Variants in NDUFAF2 observed in about 807,000 individuals in gnomAD.
The protein encoded by NDUFAF2 is NADH:ubiquinone oxidoreductase complex assembly factor 2.
Under a neutral mutation model 22.8 loss-of-function variants are expected in NDUFAF2, and 13 were observed. The ratio of observed to expected loss-of-function variants is 0.57; its 90% confidence interval spans 0.37 to 0.91. NDUFAF2 has a LOEUF of 0.91. Ranked by LOEUF, NDUFAF2 falls within the 40% of genes least tolerant of loss-of-function variation. The pLI is 0.01. For synonymous variants in NDUFAF2, 53 were observed against 64.2 expected, an observed-to-expected ratio of 0.83 and a Z score of 0.84; for missense variants, 162 against 195.2, an observed-to-expected ratio of 0.83 and a Z score of 1.01.
intron 1 of NDUFAF2, among the ~76,000 whole-genome samples, chr5:60,987,316 A>G (rs1751095417): frequency 1.3e-5 from 2 of 152,196 alleles, no homozygotes; most frequent in Admixed American, 1.3e-4. Flanking sequence ...AAAGCCCAGG[A>G]TGAGAAAGAT....
intron 3 of NDUFAF2, chr5:61,146,123 C>A (rs1484358259): frequency 6.6e-6 from 1 of 152,178 alleles, no homozygotes; most frequent in African/African-American, 2.4e-5. Context: ...CACGTGGTAA[C>A]AACAGCCCTT....
chr5:61,009,540 T>G (rs1751417761), intron 1 of NDUFAF2, among the ~76,000 whole-genome samples: 1 of 152,156 alleles, frequency 6.6e-6, no homozygotes, highest in Non-Finnish European at 1.5e-5. Context: ...AGTTACTTTT[T>G]AAATTTCAAG....
At chr5:61,024,390 G>A (rs775052912) in intron 1 of NDUFAF2, among the ~76,000 whole-genome samples, 1 of 151,920 alleles carries the variant, frequency 6.6e-6, no homozygotes, top group Non-Finnish European at 1.5e-5. Context: ...GCCAAAGGAC[G>A]TTCTAGGTGA....
intron 1 of NDUFAF2, among the ~76,000 whole-genome samples, chr5:60,982,983 C>T (rs1561533806): frequency 6.6e-6 from 1 of 151,870 alleles, no homozygotes; most frequent in Non-Finnish European, 1.5e-5. Context: ...ACACTGACTT[C>T]CACAATGGTT....
chr5:61,020,772 A>G (rs988588760), intron 1 of NDUFAF2, among the ~76,000 whole-genome samples: 1 of 151,960 alleles, frequency 6.6e-6, no homozygotes, highest in Non-Finnish European at 1.5e-5. Flanking sequence ...CTCACTGCTC[A>G]CTGCAACCTC....
chr5:61,037,701 G>A (rs1751816934), intron 1 of NDUFAF2, among the ~76,000 whole-genome samples: 2 of 151,746 alleles, frequency 1.3e-5, no homozygotes, highest in South Asian at 2.1e-4. Context: ...TCCCCTACTC[G>A]CTTTTAAAAA....
chr5:61,074,772 G>C (rs1752346288), intron 2 of NDUFAF2, among the ~76,000 whole-genome samples: 1 of 151,924 alleles, frequency 6.6e-6, no homozygotes, highest in Non-Finnish European at 1.5e-5. Flanking sequence ...AAAAAGAAAA[G>C]AAAAGAAAAG....
chr5:61,035,127 C>T (rs960262), intron 1 of NDUFAF2, among the ~76,000 whole-genome samples: 14 of 150,498 alleles, frequency 9.3e-5, no homozygotes, highest in Admixed American at 1.3e-4. Flanking sequence ...AGTGCAGTGG[C>T]GTGATCTCAG....
At chr5:61,106,032 C>A (rs576998629) in intron 3 of NDUFAF2, among the ~76,000 whole-genome samples, 24 of 151,508 alleles carry the variant, frequency 1.6e-4, no homozygotes, top group Admixed American at 5.2e-4. Flanking sequence ...GCACTAAAAA[C>A]AATGACCTAG....
chr5:61,096,468 G>A (rs900061805), intron 2 of NDUFAF2, among the ~76,000 whole-genome samples: 10 of 151,830 alleles, frequency 6.6e-5, no homozygotes, highest in African/African-American at 2.4e-4. Context: ...GCGTGGTGGC[G>A]AGTGCCTGTA....
Position 61,069,186 on chromosome 5 carries a change from C to G in NDUFAF2, c.128-3939C>G, listed in dbSNP as rs75737349. Reference sequence around the variant, plus strand: ...AGGACCTCTCCCTTCTTCCTTCAAACCTAACAAAACATTGTTGTGAACTAC... The same window carrying G: ...AGGACCTCTCCCTTCTTCCTTCAAAGCTAACAAAACATTGTTGTGAACTAC... On this transcript the variant is annotated intron_variant, in intron 1 of 3. Transcript: ENST00000296597. 8.7e-3 allele frequency among the ~76,000 whole-genome samples: 1,305 copies of G among 149,528 alleles called. 21 individuals carry two copies. The highest frequency in any genetic ancestry group is 0.031 in the African/African-American group (1,250 of 40,814).
chr5:60,976,820 A>C (rs1166327309), intron 1 of NDUFAF2, among the ~76,000 whole-genome samples: 4 of 152,182 alleles, frequency 2.6e-5, no homozygotes, highest in African/African-American at 7.2e-5. Flanking sequence ...ACGTTATTCT[A>C]TGCCTATGTG....
chr5:61,007,740 G>A (rs1751387063), intron 1 of NDUFAF2, among the ~76,000 whole-genome samples: 1 of 152,188 alleles, frequency 6.6e-6, no homozygotes, highest in Non-Finnish European at 1.5e-5. Flanking sequence ...GGAAGTCAGT[G>A]TGGCAATTCC....
intron 1 of NDUFAF2, among the ~76,000 whole-genome samples, chr5:60,988,172 A>G (rs1433850708): frequency 1.3e-5 from 2 of 152,204 alleles, no homozygotes; most frequent in Non-Finnish European, 2.9e-5. Flanking sequence ...ATGCAATCCC[A>G]TTCACAATTG....
At chr5:61,041,462 TGGTTTTAAA>T (rs1751881597) in intron 1 of NDUFAF2, among the ~76,000 whole-genome samples, 1 of 152,278 alleles carries the variant, frequency 6.6e-6, no homozygotes, top group African/African-American at 2.4e-5. Context: ...TTCCCAGTGT[TGGTTTTAAA>T]TTCTTACAGG....
intron 1 of NDUFAF2, among the ~76,000 whole-genome samples, chr5:61,016,361 CTA>C (rs1751511500): frequency 2.0e-5 from 3 of 152,102 alleles, no homozygotes; most frequent in Non-Finnish European, 1.5e-5. Context: ...AATTACAAAA[CTA>C]TATATTGGGG....
At chr5:61,131,845 G>A (rs1347799061) in intron 3 of NDUFAF2, among the ~76,000 whole-genome samples, 1 of 151,724 alleles carries the variant, frequency 6.6e-6, no homozygotes, top group Non-Finnish European at 1.5e-5. Context: ...CTTTTTAACA[G>A]TGGATATGAA....
chr5:60,983,617 A>G (rs1580079214), intron 1 of NDUFAF2, among the ~76,000 whole-genome samples: 1 of 150,916 alleles, frequency 6.6e-6, no homozygotes, highest in South Asian at 2.1e-4. Flanking sequence ...CTTTCTACGT[A>G]TGGCTAGCCA....
intron 1 of NDUFAF2, among the ~76,000 whole-genome samples, chr5:61,060,481 C>CCAGG (rs1752149964): frequency 6.6e-6 from 1 of 152,094 alleles, no homozygotes; most frequent in African/African-American, 2.4e-5. Flanking sequence ...AGTCAACAAA[C>CCAGG]TGATTTAGAA....
Sources: allele counts gnomAD v4.1 joint callset (sites outside exome capture counted in the v4.1 genomes callset), GRCh38; gene constraint gnomAD v4.1.1; transcripts MANE v1.5; gene names NCBI Gene and HGNC (gene_info 2026-07-23, HGNC 2026-07-21).